The following PLS3 variants were observed in gnomAD, a reference collection of about 807,000 sequenced individuals.
PLS3 encodes the protein plastin 3, also known as plastin-3.
PLS3 carries 11 observed loss-of-function variants against 46.5 expected under a neutral mutation model. The ratio of observed to expected loss-of-function variants is 0.24; its 90% CI spans 0.15 to 0.39. PLS3 has a LOEUF of 0.39. PLS3 is among the 10% of genes least tolerant of loss of function. PLS3 has a pLI of 1.00. For missense variants in PLS3, 308 were observed against 461.8 expected, an observed-to-expected ratio of 0.67 and a Z score of 3.05; for synonymous variants, 167 against 162.2, an observed-to-expected ratio of 1.03 and a Z score of -0.22.
intron 1 of PLS3, among the ~76,000 whole-genome samples, chrX:115,586,569 C>T: frequency 9.7e-6 from 1 of 102,887 alleles, no homozygotes. Context: ...GTCCCAGATA[C>T]TTGGGAGGCT....
intron 1 of PLS3, among the ~76,000 whole-genome samples, chrX:115,570,180 C>T (rs1200834236): frequency 9.0e-6 from 1 of 110,794 alleles, no homozygotes; most frequent in Non-Finnish European, 1.9e-5. Context: ...CGTGATCCAC[C>T]TGCGTTGGCC....
intron 3 of PLS3, among the ~76,000 whole-genome samples, chrX:115,625,091 A>C (rs1316543688): frequency 8.9e-6 from 1 of 111,872 alleles, no homozygotes; most frequent in Non-Finnish European, 1.9e-5. Flanking sequence ...TCATCAGTGA[A>C]ACATCTTACA....
rs373909505 is a variant in PLS3 at position 115,595,691 on chromosome X, T to C, written c.-8-14552T>C. ...CAATTTATATTTATTTTCTTTCTTT[T>C]TTTTTTTTTTTTTTTTGAGATGGAG... On this transcript the variant is annotated intron_variant, in intron 1 of 15. Coordinates refer to ENST00000355899, the MANE Select transcript of PLS3 (RefSeq NM_005032.7). 6.0e-3 allele frequency among the ~76,000 whole-genome samples: 577 copies of C among 95,428 alleles called. 4 individuals carry two copies. Among genetic ancestry groups the C allele is most frequent in the African/African-American group, 0.02 (520 of 25,471 alleles). 82.9% of individuals were successfully genotyped at this position (95,428 alleles called of 115,157 possible). A position where few individuals can be genotyped will look rare whatever the true frequency, so the allele number is the denominator to read the frequency against.
At chrX:115,570,039 C>T (rs1167429476) in intron 1 of PLS3, among the ~76,000 whole-genome samples, 5 of 111,035 alleles carry the variant, frequency 4.5e-5, no homozygotes, top group African/African-American at 1.6e-4. Flanking sequence ...CAGGTTCAAG[C>T]GATTCTCCTG....
rs2074817071 is a variant in PLS3, at chrX:115,635,086, A to AT, written c.748+47dup. On this transcript the variant is annotated intron_variant, in intron 7 of 15. Coordinates refer to ENST00000355899, the MANE Select transcript of PLS3 (RefSeq NM_005032.7). ...TCATTCTGGCAGTTGTTTATTGGTT[A>AT]TTTTTTTCTAGTCATGCAGACTTTC... The AT allele has an allele frequency of 1.2e-5, 13 of 1,118,360 alleles. No individual in the cohort carries two copies. The East Asian group carries it at 3.6e-4, about 31-fold the overall frequency. 92.2% of individuals were successfully genotyped at this position (1,118,360 alleles called of 1,213,427 possible). A position where few individuals can be genotyped will look rare whatever the true frequency, so the allele number is the denominator to read the frequency against.
intron 1 of PLS3, among the ~76,000 whole-genome samples, chrX:115,606,962 T>C (rs969150922): frequency 1.5e-4 from 17 of 110,954 alleles, no homozygotes; most frequent in African/African-American, 3.9e-4. Context: ...TTAAAATGCC[T>C]AACTTCAGGC....
intron 1 of PLS3, among the ~76,000 whole-genome samples, chrX:115,592,138 C>T (rs1326404305): frequency 2.7e-5 from 3 of 111,759 alleles, no homozygotes; most frequent in African/African-American, 9.8e-5. Flanking sequence ...GTTCGGTATG[C>T]TATCATAAAA....
chrX:115,635,036 C>T lies in PLS3; in HGVS notation c.738C>T (p.Ser246=), dbSNP rs2074816557. Residue 246 remains serine, a synonymous_variant, in exon 7 of 16, where the codon AGC becomes AGT. Coordinates refer to ENST00000355899, the MANE Select transcript of PLS3 (RefSeq NM_005032.7). ...KIGLFADIEL[S]RNEALAALLR... is the part of the protein sequence containing the mutation. ...GTTTGTTCGCTGACATTGAATTAAGCAGGAATGAAGGTAATGGAACACAGT... is the reference window on the plus strand; with the variant it reads ...GTTTGTTCGCTGACATTGAATTAAGTAGGAATGAAGGTAATGGAACACAGT... The T allele has an allele frequency of 8.3e-7, 1 of 1,204,681 alleles. No individual in the cohort carries two copies.
chrX:115,635,038 G>A lies in PLS3; in HGVS notation c.740G>A (p.Arg247Lys), dbSNP rs2074816610. The change falls in exon 7 of 16, where the codon AGG (arginine) becomes AAG (lysine). Residue 247 changes from arginine to lysine, a missense_variant. Arg to Lys is a conservative substitution (Grantham distance 26). Around this residue, in one of 2 missense-constraint regions of PLS3, gnomAD observed 271 missense variants for 435.7 expected, o/e 0.62. Transcript: ENST00000355899. ...TTGTTCGCTGACATTGAATTAAGCA[G>A]GAATGAAGGTAATGGAACACAGTCA... is the stretch of plus-strand genomic sequence containing the variant. ...IGLFADIELS[R>K]NEALAALLRD... is the part of the protein sequence containing the mutation. 3 of 1,203,354 alleles carry A rather than the reference G, an allele frequency of 2.5e-6. No homozygotes were observed. The highest frequency in any genetic ancestry group is 3.4e-6 in the Non-Finnish European group (3 of 890,877).
At chrX:115,626,540 T>C (rs906548018) in intron 3 of PLS3, among the ~76,000 whole-genome samples, 1 of 111,134 alleles carries the variant, frequency 9.0e-6, no homozygotes, top group Non-Finnish European at 1.9e-5. Context: ...CACCTTGGCC[T>C]CCCAAAGTGC....
At chrX:115,641,225 CTTTT>C (rs35431475) in intron 9 of PLS3, among the ~76,000 whole-genome samples, 4 of 82,380 alleles carry the variant, frequency 4.9e-5, no homozygotes, top group African/African-American at 9.8e-5. Flanking sequence ...TCTTCTCTTT[CTTTT>C]TTTTTTTTTT....
intron 1 of PLS3, among the ~76,000 whole-genome samples, chrX:115,600,300 T>C (rs1343565720): frequency 9.1e-6 from 1 of 109,828 alleles, no homozygotes; most frequent in Non-Finnish European, 1.9e-5. Flanking sequence ...TAATTTTTTT[T>C]TTTTTTTTAA....
chrX:115,635,647 T>C (rs2074824662), intron 7 of PLS3, among the ~76,000 whole-genome samples: 1 of 49,769 alleles, frequency 2.0e-5, no homozygotes. Context: ...TGAGACTCTG[T>C]CTCAAAAAAA....
intron 1 of PLS3, among the ~76,000 whole-genome samples, chrX:115,577,481 A>AT (rs201509852): frequency 1.9e-5 from 2 of 106,894 alleles, no homozygotes; most frequent in African/African-American, 6.8e-5. Flanking sequence ...ATCACTCCTG[A>AT]TTTTTTTTTT....
chrX:115,612,234 A>T (rs2074554926), intron 2 of PLS3, among the ~76,000 whole-genome samples: 2 of 111,584 alleles, frequency 1.8e-5, no homozygotes, highest in Admixed American at 1.9e-4. Context: ...TTTTCATTAC[A>T]GTGGAATTTA....
rs868936795 is a variant in PLS3 at position 115,636,916 on chromosome X, G to A, written c.829G>A (p.Ala277Thr). Residue 277 changes from alanine to threonine, a missense_variant, in exon 8 of 16, where the codon GCA becomes ACA. Ala to Thr is a moderately conservative substitution (Grantham distance 58, BLOSUM62 0). Coordinates refer to ENST00000355899, the MANE Select transcript of PLS3 (RefSeq NM_005032.7). ...TCCAGAAGAGCTTCTGCTTAGATGG[G>A]CAAACTTTCATTTGGAAAACTCGGG... ...LSPEELLLRWANFHLENSGWQ... is the reference protein window; with the variant it reads ...LSPEELLLRWTNFHLENSGWQ... The A allele has an allele frequency of 5.0e-6, 6 of 1,208,403 alleles. No individual in the cohort carries two copies. Among genetic ancestry groups the A allele is most frequent in the Non-Finnish European group, 6.7e-6 (6 of 893,199 alleles).
At chrX:115,595,687 C>CTTTTTTTTTTTTTT (rs35860715) in intron 1 of PLS3, among the ~76,000 whole-genome samples, 1 of 82,975 alleles carries the variant, frequency 1.2e-5, no homozygotes, top group Non-Finnish European at 2.3e-5. Context: ...TATTTTCTTT[C>CTTTTTTTTTTTTTT]TTTTTTTTTT....
chrX:115,588,799 G>A (rs1449029274), intron 1 of PLS3, among the ~76,000 whole-genome samples: 2 of 111,053 alleles, frequency 1.8e-5, no homozygotes, highest in Non-Finnish European at 3.8e-5. Flanking sequence ...AAATTGTAGA[G>A]CATGTGAGTT....
At chrX:115,633,902 A>G (rs2074804279) in intron 5 of PLS3, 98 bp from the exon 6 acceptor site, 2 of 521,518 alleles carry the variant, frequency 3.8e-6, no homozygotes, top group South Asian at 2.7e-5. Flanking sequence ...GAGATGTTAT[A>G]GTAAGCTTTA....
Sources: gnomAD v4.1 joint callset for allele counts (sites outside exome capture counted in the v4.1 genomes callset) on GRCh38, gnomAD v4.1.1 for gene constraint, gnomAD v4.1.1 regional missense constraint, MANE v1.5 for transcripts, NCBI Gene and HGNC (gene_info 2026-07-23, HGNC 2026-07-21) for gene names.